MEGF10: variants seen among roughly 807,000 people sequenced by gnomAD.
MEGF10 encodes the protein multiple EGF like domains 10.
MEGF10 carries 86 observed loss-of-function variants against 147.5 expected under a neutral mutation model. The observed-to-expected ratio is 0.58, with a 90% CI of 0.49 to 0.70. MEGF10 has a LOEUF of 0.70. Ranked by LOEUF, MEGF10 falls within the 30% of genes least tolerant of loss-of-function variation. MEGF10 has a pLI of 0.00. For synonymous variants in MEGF10, 478 were observed against 525.5 expected (o/e 0.91, Z 1.24); for missense variants, 1,329 against 1,487.3 (o/e 0.89, Z 1.75).
At chr5:127,398,832 A>T (rs759031371) in intron 7 of MEGF10, 36 bp downstream of exon 7, 7 of 1,612,354 alleles carry the variant, frequency 4.3e-6, no homozygotes, top group Non-Finnish European at 5.9e-6. Context: ...CCCCTGCCCC[A>T]AAGTCACCCA....
At chr5:127,349,108 G>C (rs927128422) in intron 4 of MEGF10, among the ~76,000 whole-genome samples, 1 of 152,014 alleles carries the variant, frequency 6.6e-6, no homozygotes, top group Non-Finnish European at 1.5e-5. Flanking sequence ...AAATTAGTAA[G>C]CTGACCTTTT....
chr5:127,248,011 A>C, the MEGF10 span, among the ~76,000 whole-genome samples: 1 of 151,844 alleles, frequency 6.6e-6, no homozygotes, highest in Admixed American at 6.6e-5. Flanking sequence ...GAGCTAACAA[A>C]GGAAAGGAAA....
chr5:127,374,569 T>C (rs1288717525), intron 5 of MEGF10, among the ~76,000 whole-genome samples: 1 of 152,172 alleles, frequency 6.6e-6, no homozygotes, highest in East Asian at 1.9e-4. Flanking sequence ...GAAGTGAACA[T>C]GCTCATACTC....
chr5:127,320,347 T>G (rs928594657), intron 1 of MEGF10, among the ~76,000 whole-genome samples: 1 of 152,158 alleles, frequency 6.6e-6, no homozygotes, highest in Non-Finnish European at 1.5e-5. Context: ...GAGATAATTA[T>G]GGATGATGTG....
At chr5:127,364,618 A>G (rs935604887) in intron 4 of MEGF10, among the ~76,000 whole-genome samples, 3 of 152,246 alleles carry the variant, frequency 2.0e-5, no homozygotes, top group Non-Finnish European at 4.4e-5. Context: ...AATGTTTGGA[A>G]ATATGAAAGC....
At chr5:127,344,250 A>G (rs897176129) in intron 4 of MEGF10, among the ~76,000 whole-genome samples, 10 of 152,296 alleles carry the variant, frequency 6.6e-5, no homozygotes, top group African/African-American at 2.4e-4. Context: ...CAGTCTAAGT[A>G]TCTTTTTTAA....
chr5:127,423,268 A>G (rs1202443991), intron 13 of MEGF10, among the ~76,000 whole-genome samples: 2 of 152,358 alleles, frequency 1.3e-5, no homozygotes, highest in African/African-American at 4.8e-5. Context: ...TGTTCTGGTC[A>G]TGACAAATTC....
At chr5:127,342,537 TG>T (rs1020565662) in intron 4 of MEGF10, among the ~76,000 whole-genome samples, 3 of 152,050 alleles carry the variant, frequency 2.0e-5, no homozygotes, top group African/African-American at 7.2e-5. Context: ...GGCAAGCTGG[TG>T]GGGGGGTGTA....
the MEGF10 span, among the ~76,000 whole-genome samples, chr5:127,257,898 G>A: frequency 6.6e-6 from 1 of 152,268 alleles, no homozygotes; most frequent in South Asian, 2.1e-4. Flanking sequence ...CTGTCACAAA[G>A]AGTAAACAGA....
the MEGF10 span, among the ~76,000 whole-genome samples, chr5:127,247,585 G>C: frequency 6.6e-6 from 1 of 152,058 alleles, no homozygotes; most frequent in Non-Finnish European, 1.5e-5. Context: ...TGGAGTAACT[G>C]CTGTTGGATT....
At chr5:127,433,321 C>T (rs1395445604) in intron 13 of MEGF10, 42 bp from the exon 14 acceptor site, 4 of 1,613,622 alleles carry the variant, frequency 2.5e-6, no homozygotes, top group East Asian at 2.2e-5. Context: ...GGAAACTCCG[C>T]ACTGCCTCTC....
At chr5:127,299,477 G>A (rs1293749335) in intron 1 of MEGF10, among the ~76,000 whole-genome samples, 4 of 152,166 alleles carry the variant, frequency 2.6e-5, no homozygotes, top group Non-Finnish European at 5.9e-5. Flanking sequence ...GCCCTGGAGG[G>A]AAAGGGTTGC....
At chr5:127,280,949 G>C in the MEGF10 span, among the ~76,000 whole-genome samples, 12 of 152,196 alleles carry the variant, frequency 7.9e-5, no homozygotes, top group Admixed American at 7.9e-4. Flanking sequence ...CCAATCAGAT[G>C]CATCAGCCCT....
intron 13 of MEGF10, among the ~76,000 whole-genome samples, chr5:127,429,485 G>A (rs1445267464): frequency 6.6e-6 from 1 of 152,156 alleles, no homozygotes; most frequent in East Asian, 1.9e-4. Context: ...CAGGAAATAG[G>A]AATTATGTGT....
At chr5:127,430,523 C>A (rs1449688660) in intron 13 of MEGF10, among the ~76,000 whole-genome samples, 2 of 152,158 alleles carry the variant, frequency 1.3e-5, no homozygotes, top group Non-Finnish European at 2.9e-5. Context: ...ATACTTACTG[C>A]CTGAAATTCC....
intron 5 of MEGF10, among the ~76,000 whole-genome samples, chr5:127,371,055 A>G (rs1363024692): frequency 6.6e-6 from 1 of 152,180 alleles, no homozygotes; most frequent in Non-Finnish European, 1.5e-5. Flanking sequence ...TTATCTTGCT[A>G]GGACTACTTG....
chr5:127,255,587 A>G, the MEGF10 span, among the ~76,000 whole-genome samples: 2 of 152,164 alleles, frequency 1.3e-5, no homozygotes, highest in South Asian at 2.1e-4. Context: ...CATTTCTCTC[A>G]CTGCCATAAA....
In MEGF10 at chr5:127,332,534, G is replaced by A. The variant is rs146315275; in HGVS notation, c.116+1110G>A. On this transcript the variant is annotated intron_variant, in intron 2 of 24. Transcript: ENST00000503335. ...CTCACTCAGTATTATTTTTGGTAAG[G>A]GCTTATCCCTACCTCCATTGGTAGT... Among the ~76,000 whole-genome samples, 358 of 152,008 alleles carry A rather than the reference G, an allele frequency of 2.4e-3. 1 individual carries two copies. Among genetic ancestry groups the A allele is most frequent in the African/African-American group, 8.1e-3 (335 of 41,464 alleles).
chr5:127,445,961 G>T (rs1043315686), intron 20 of MEGF10, among the ~76,000 whole-genome samples: 1 of 152,206 alleles, frequency 6.6e-6, no homozygotes, highest in Non-Finnish European at 1.5e-5. Flanking sequence ...TCCATAAGGA[G>T]CTTTGTATCC....
Sources: allele counts gnomAD v4.1 joint callset (sites outside exome capture counted in the v4.1 genomes callset), GRCh38; gene constraint gnomAD v4.1.1; transcripts MANE v1.5; gene names NCBI Gene and HGNC (gene_info 2026-07-23, HGNC 2026-07-21).